Variants in EFNA3 observed in about 807,000 individuals in gnomAD.
The protein encoded by EFNA3 is ephrin-A3.
A neutral mutation model predicts 25.0 loss-of-function variants in EFNA3; 15 were observed. That is an observed-to-expected ratio of 0.60 (90% CI 0.40 to 0.92). The LOEUF is 0.92. EFNA3 is among the 40% of genes least tolerant of loss of function. EFNA3 has a pLI of 0.00. For synonymous variants in EFNA3, 153 were observed against 145.6 expected (o/e 1.05, Z -0.37); for missense variants, 298 against 323.8 (o/e 0.92, Z 0.61).
chr1:155,085,024 G>A lies in EFNA3; in HGVS notation c.129-67G>A, dbSNP rs575486139. 4.5e-6 allele frequency: 7 copies of A among 1,553,252 alleles called. 1 individual carries two copies. Among genetic ancestry groups the A allele is most frequent in the East Asian group, 4.5e-5 (2 of 44,236 alleles). ...GCGGACCCTGGGGAGGGGCTGCGGAGCGGTCAGATGGAAAGCGGCTTTGCT... is the reference window on the plus strand; with the variant it reads ...GCGGACCCTGGGGAGGGGCTGCGGAACGGTCAGATGGAAAGCGGCTTTGCT... On this transcript the variant is annotated intron_variant, in intron 1 of 4. Transcript: ENST00000368408. This position sits in a 1 kb window ranked among gnomAD's most constrained non-coding sequence, Gnocchi z 4.4.
rs1304106040 is a variant in EFNA3, at chr1:155,078,987, C to T, written c.46C>T (p.Pro16Ser). 2 of 1,433,456 alleles carry T rather than the reference C, an allele frequency of 1.4e-6. No homozygotes were observed. Among genetic ancestry groups the T allele is most frequent in the South Asian group, 1.5e-5 (1 of 68,794 alleles). 88.8% of individuals were successfully genotyped at this position (1,433,456 alleles called of 1,614,324 possible). ...LLLLLLLVPV[P>S]LLPLLAQGPG... ...GCTGCTGCTGCTGCTCGTGCCCGTGCCGCTGCTGCCGCTGCTGGCCCAAGG... is the reference window on the plus strand; with the variant it reads ...GCTGCTGCTGCTGCTCGTGCCCGTGTCGCTGCTGCCGCTGCTGGCCCAAGG... The change falls in exon 1 of 5, where the codon CCG (proline) becomes TCG (serine). Residue 16 changes from proline to serine, a missense_variant. Coordinates refer to ENST00000368408, the MANE Select transcript of EFNA3 (RefSeq NM_004952.5).
chr1:155,079,680 A>G lies in EFNA3; in HGVS notation c.128+611A>G, dbSNP rs974550572. Among the ~76,000 whole-genome samples, 1 of 152,056 alleles carries G rather than the reference A, an allele frequency of 6.6e-6. No individual in the cohort carries two copies. Among genetic ancestry groups the G allele is most frequent in the African/African-American group, 2.4e-5 (1 of 41,390 alleles). ...GATGGGAACGTGGGGTACCGGCGAG[A>G]CGGAAGGCGGCAGAGAGATGTCGGT... On this transcript the variant is annotated intron_variant, in intron 1 of 4. Transcript: ENST00000368408. The surrounding 1 kb of genome is among the most constrained non-coding windows in gnomAD (Gnocchi z 7.7).
Position 155,078,853 on chromosome 1 carries a change from C to T in EFNA3, c.-89C>T. Reference sequence around the variant, plus strand: ...TGGGGGCGTGGCCTAAGGCTGGGGGCCGACGGCGGCGGCAGCAGGGAGCTG... The same window carrying T: ...TGGGGGCGTGGCCTAAGGCTGGGGGTCGACGGCGGCGGCAGCAGGGAGCTG... On this transcript the variant is annotated 5_prime_UTR_variant, in exon 1 of 5. Coordinates refer to ENST00000368408, the MANE Select transcript of EFNA3 (RefSeq NM_004952.5). 3 of 1,294,620 alleles carry T rather than the reference C, an allele frequency of 2.3e-6. No homozygotes were observed. The highest frequency in any genetic ancestry group is 2.3e-5 in the South Asian group (1 of 42,814). 80.2% of individuals were successfully genotyped at this position (1,294,620 alleles called of 1,614,324 possible).
Position 155,081,948 on chromosome 1 carries a change from T to C in EFNA3, c.128+2879T>C, listed in dbSNP as rs964737223. 2.6e-5 allele frequency among the ~76,000 whole-genome samples: 4 copies of C among 152,324 alleles called. No homozygotes were observed. The highest frequency in any genetic ancestry group is 1.9e-4 in the East Asian group (1 of 5,180). The stretch of plus-strand genomic sequence containing the variant: ...AAACCTTCGCCGCCGCCGCCGCCGC[T>C]GTCGCAGGGAGGAGGGGCGGAGGTG... On this transcript the variant is annotated intron_variant, in intron 1 of 4. Coordinates refer to ENST00000368408, the MANE Select transcript of EFNA3 (RefSeq NM_004952.5). The surrounding 1 kb of genome is among the most constrained non-coding windows in gnomAD (Gnocchi z 5.2).
Position 155,079,925 on chromosome 1 carries a change from C to A in EFNA3, c.128+856C>A, listed in dbSNP as rs1192877495. On this transcript the variant is annotated intron_variant, in intron 1 of 4. Transcript: ENST00000368408. The surrounding 1 kb of genome is among the most constrained non-coding windows in gnomAD (Gnocchi z 7.7). ...TCTGGGCTGGGGTGGCTGTTGGCGC[C>A]GCCGCGGTCTGGGCGGGTGTCAGGG... Among the ~76,000 whole-genome samples, 2 of 151,952 alleles carry A rather than the reference C, an allele frequency of 1.3e-5. No individual in the cohort carries two copies. The highest frequency in any genetic ancestry group is 4.8e-5 in the African/African-American group (2 of 41,368).
chr1:155,084,413 G>A (rs1663406807), intron 1 of EFNA3, among the ~76,000 whole-genome samples: 1 of 152,230 alleles, frequency 6.6e-6, no homozygotes, highest in Admixed American at 6.5e-5. Flanking sequence ...ACTGGCATGC[G>A]GGCCAGCACA....
intron 1 of EFNA3, among the ~76,000 whole-genome samples, chr1:155,084,862 T>A (rs1168734044): frequency 6.6e-6 from 1 of 152,138 alleles, no homozygotes; most frequent in Non-Finnish European, 1.5e-5. Context: ...TTTGCTACCC[T>A]CTGGTGGCCA....
At position 155,085,670 on chromosome 1, in the gene EFNA3, C is replaced by A. The variant is rs779731537; in HGVS notation, c.443-207C>A. 1 of 689,856 alleles carries A rather than the reference C, an allele frequency of 1.4e-6. No individual in the cohort carries two copies. The highest frequency in any genetic ancestry group is 2.4e-6 in the Non-Finnish European group (1 of 417,506). The allele number at this position is 689,856 out of a possible 1,614,324, so 42.7% of individuals were successfully genotyped here. On this transcript the variant is annotated intron_variant, in intron 2 of 4. Transcript: ENST00000368408. This position sits in a 1 kb window ranked among gnomAD's most constrained non-coding sequence, Gnocchi z 4.4. ...GAGGGACATTCCGGGGTTGGAACAT[C>A]AGGGATCCCAGTTTCTTGAGGGGTG...
chr1:155,086,878 C>G lies in EFNA3; in HGVS notation c.*335C>G, dbSNP rs1316381967. On this transcript the variant is annotated 3_prime_UTR_variant, in exon 5 of 5. Transcript: ENST00000368408. ...CCTGGTGCCCTCTCCCTTTGTCCCC[C>G]CAGAGAGACATATGCCCCCAGAGAG... 3.7e-6 allele frequency: 1 copy of G among 267,182 alleles called. No individual in the cohort carries two copies. Among genetic ancestry groups the G allele is most frequent in the Non-Finnish European group, 7.3e-6 (1 of 137,190 alleles). The allele number at this position is 267,182 out of a possible 1,614,324, so 16.6% of individuals were successfully genotyped here. A position where few individuals can be genotyped will look rare whatever the true frequency, so the allele number is the denominator to read the frequency against.
chr1:155,087,385 C>G lies in EFNA3; in HGVS notation c.*842C>G, dbSNP rs1405871166. 6.5e-6 allele frequency: 1 copy of G among 152,954 alleles called. No homozygotes were observed. Among genetic ancestry groups the G allele is most frequent in the Non-Finnish European group, 1.5e-5 (1 of 68,162 alleles). The allele number at this position is 152,954 out of a possible 1,614,324, so 9.5% of individuals were successfully genotyped here. A position where few individuals can be genotyped will look rare whatever the true frequency, so the allele number is the denominator to read the frequency against. ...GACCGTAAAACAACAACGCCCCCTC[C>G]CTTCCAGCCCTGAGCCGGGAACCAT... On this transcript the variant is annotated 3_prime_UTR_variant, in exon 5 of 5. Coordinates refer to ENST00000368408, the MANE Select transcript of EFNA3 (RefSeq NM_004952.5).
Position 155,081,182 on chromosome 1 carries a change from C to A in EFNA3, c.128+2113C>A, listed in dbSNP as rs767796903. Among the ~76,000 whole-genome samples the A allele has an allele frequency of 1.1e-4, 16 of 152,226 alleles. No individual in the cohort carries two copies. Among genetic ancestry groups the A allele is most frequent in the Non-Finnish European group, 1.9e-4 (13 of 68,026 alleles). On this transcript the variant is annotated intron_variant, in intron 1 of 4. Transcript: ENST00000368408. The surrounding 1 kb of genome is among the most constrained non-coding windows in gnomAD (Gnocchi z 5.2). ...TGACAGACCTGGGGACTGTGCCTTG[C>A]ACACCGGCCGCGACCTAGCCCTCTG...
chr1:155,078,870 A>G lies in EFNA3; in HGVS notation c.-72A>G. The G allele has an allele frequency of 1.5e-6, 2 of 1,307,992 alleles. No individual in the cohort carries two copies. Among genetic ancestry groups the G allele is most frequent in the Non-Finnish European group, 1.9e-6 (2 of 1,028,716 alleles). 81.0% of individuals were successfully genotyped at this position (1,307,992 alleles called of 1,614,324 possible). ...GCTGGGGGCCGACGGCGGCGGCAGC[A>G]GGGAGCTGGGAAGCGGAGAAGCCGG... On this transcript the variant is annotated 5_prime_UTR_variant, in exon 1 of 5. Coordinates refer to ENST00000368408, the MANE Select transcript of EFNA3 (RefSeq NM_004952.5).
intron 3 of EFNA3, 69 bp from the exon 4 acceptor site, chr1:155,086,059 G>A: frequency 6.4e-7 from 1 of 1,572,080 alleles, no homozygotes; most frequent in East Asian, 2.3e-5. Context: ...CTCCCCAGCC[G>A]TAGCAAGGGG....
Position 155,086,710 on chromosome 1 carries a change from C to T in EFNA3, c.*167C>T. 1.2e-6 allele frequency: 1 copy of T among 835,122 alleles called. No individual in the cohort carries two copies. The highest frequency in any genetic ancestry group is 1.8e-6 in the Non-Finnish European group (1 of 551,216). The allele number at this position is 835,122 out of a possible 1,614,324, so 51.7% of individuals were successfully genotyped here. ...CCGCCCCCTCTACCCCTTCCCCCCA[C>T]GTAGGGCACTGTAGTGGACCAAGCA... On this transcript the variant is annotated 3_prime_UTR_variant, in exon 5 of 5. Coordinates refer to ENST00000368408, the MANE Select transcript of EFNA3 (RefSeq NM_004952.5).
At chr1:155,086,038 AG>A (rs1267578612) in intron 3 of EFNA3, 89 bp from the exon 4 acceptor site, 27 of 1,571,746 alleles carry the variant, frequency 1.7e-5, no homozygotes, top group Middle Eastern at 2.0e-4. Flanking sequence ...GGCACAGGTG[AG>A]GGGGGCTTGC....
chr1:155,085,373 G>A lies in EFNA3; in HGVS notation c.411G>A (p.Glu137=). The change falls in exon 2 of 5, where the codon GAG becomes GAA. Residue 137 remains glutamate, a synonymous_variant. Coordinates refer to ENST00000368408, the MANE Select transcript of EFNA3 (RefSeq NM_004952.5). This position sits in a 1 kb window ranked among gnomAD's most constrained non-coding sequence, Gnocchi z 4.4. ...QRYSAFSLGY[E]FHAGHEYYYI... is the part of the protein sequence containing the mutation. ...ACAGCGCCTTCTCTCTGGGCTACGA[G>A]TTCCACGCCGGCCACGAGTACTACT... 1 of 1,610,632 alleles carries A rather than the reference G, an allele frequency of 6.2e-7. No individual in the cohort carries two copies. The highest frequency in any genetic ancestry group is 8.5e-7 in the Non-Finnish European group (1 of 1,178,136).
At position 155,079,077 on chromosome 1, in the gene EFNA3, G is replaced by T. The variant is rs1054531466; in HGVS notation, c.128+8G>T. The T allele has an allele frequency of 1.2e-5, 16 of 1,322,108 alleles. No homozygotes were observed. Among genetic ancestry groups the T allele is most frequent in the Non-Finnish European group, 1.4e-5 (14 of 1,028,510 alleles). The allele number at this position is 1,322,108 out of a possible 1,614,324, so 81.9% of individuals were successfully genotyped here. Reference sequence around the variant, plus strand: ...GAACAGCTCCAACCAGCAGTGAGTCGGGGACCCTGGGAGTCCGCGCGTCCC... The same window carrying T: ...GAACAGCTCCAACCAGCAGTGAGTCTGGGACCCTGGGAGTCCGCGCGTCCC... On this transcript the variant is annotated splice_region_variant and intron_variant, in intron 1 of 4. Coordinates refer to ENST00000368408, the MANE Select transcript of EFNA3 (RefSeq NM_004952.5). This position sits in a 1 kb window ranked among gnomAD's most constrained non-coding sequence, Gnocchi z 7.7.
chr1:155,085,721 C>A lies in EFNA3; in HGVS notation c.443-156C>A, dbSNP rs190274116. 2.7e-4 allele frequency: 229 copies of A among 860,618 alleles called. 1 individual carries two copies. In the East Asian group the frequency reaches 6.0e-3, roughly 23 times the overall value. 53.3% of individuals were successfully genotyped at this position (860,618 alleles called of 1,614,324 possible). A position where few individuals can be genotyped will look rare whatever the true frequency, so the allele number is the denominator to read the frequency against. ...GGACCAAAGGGGCGTCTAGGGCCGA[C>A]GGCAGAGCTAAAGTGACCCGTGTCC... On this transcript the variant is annotated intron_variant, in intron 2 of 4. Transcript: ENST00000368408. This position sits in a 1 kb window ranked among gnomAD's most constrained non-coding sequence, Gnocchi z 4.4.
rs974456031 is a variant in EFNA3, at chr1:155,085,554, C to A, written c.442+150C>A. The stretch of plus-strand genomic sequence containing the variant: ...GGGAGGAGGCGTGGGCACGGGACGC[C>A]TGAGGGGTTCAGCTCAGACGAGGTC... On this transcript the variant is annotated intron_variant, in intron 2 of 4. Coordinates refer to ENST00000368408, the MANE Select transcript of EFNA3 (RefSeq NM_004952.5). This position sits in a 1 kb window ranked among gnomAD's most constrained non-coding sequence, Gnocchi z 4.4. The A allele has an allele frequency of 1.0e-6, 1 of 996,888 alleles. No individual in the cohort carries two copies. Among genetic ancestry groups the A allele is most frequent in the Non-Finnish European group, 1.4e-6 (1 of 697,872 alleles). The allele number at this position is 996,888 out of a possible 1,614,324, so 61.8% of individuals were successfully genotyped here.
Sources: allele counts gnomAD v4.1 joint callset (sites outside exome capture counted in the v4.1 genomes callset), GRCh38; gene constraint gnomAD v4.1.1; non-coding constraint Gnocchi (gnomAD v3.1); transcripts MANE v1.5; gene names NCBI Gene and HGNC (gene_info 2026-07-23, HGNC 2026-07-21).